The following RUVBL1 variants were observed in gnomAD, a reference collection of about 807,000 sequenced individuals.
The protein encoded by RUVBL1 is RuvB like AAA ATPase 1.
RUVBL1 carries 4 observed loss-of-function variants against 52.4 expected under a neutral mutation model. That is an observed-to-expected ratio of 0.08 (90% CI 0.04 to 0.17). The LOEUF is 0.17. Among genes scored for constraint, RUVBL1 ranks in the 10% least tolerant of loss-of-function variants. RUVBL1 has a pLI of 1.00. For synonymous variants in RUVBL1, 217 were observed against 214.4 expected (o/e 1.01, Z -0.10); for missense variants, 298 against 572.8 (o/e 0.52, Z 4.90).
At position 128,086,866 on chromosome 3, in the gene RUVBL1, C is replaced by A. The variant is rs151043676; in HGVS notation, c.1119+840G>T. Among the ~76,000 whole-genome samples, 347 of 152,370 alleles carry A rather than the reference C, an allele frequency of 2.3e-3. 3 individuals are homozygous for A. The highest frequency in any genetic ancestry group is 7.9e-3 in the African/African-American group (329 of 41,588). ...TGTGGCCCTTTGGATAAAGCCCACG[C>A]TCATACATCCCTGTCGTCTCCCAAC... On this transcript the variant is annotated intron_variant, in intron 9 of 10. Coordinates refer to ENST00000322623, the MANE Select transcript of RUVBL1 (RefSeq NM_003707.3).
At chr3:128,114,836 C>A (rs1943480770) in intron 2 of RUVBL1, among the ~76,000 whole-genome samples, 1 of 99,462 alleles carries the variant, frequency 1.0e-5, no homozygotes, top group Non-Finnish European at 2.0e-5. Context: ...CAGGACCACC[C>A]CTTCCCAGTT....
chr3:128,067,355 A>G lies in RUVBL1; in HGVS notation c.940-2135T>C. 2 of 1,519,158 alleles carry G rather than the reference A, an allele frequency of 1.3e-6. No individual in the cohort carries two copies. Among genetic ancestry groups the G allele is most frequent in the Admixed American group, 3.8e-5 (2 of 52,178 alleles). 94.1% of individuals were successfully genotyped at this position (1,519,158 alleles called of 1,614,324 possible). On this transcript the variant is annotated intron_variant, in intron 9 of 9. Coordinates refer to the RUVBL1 transcript ENST00000464873. The surrounding 1 kb of genome is among the most constrained non-coding windows in gnomAD (Gnocchi z 4.1). ...TGCATTCTTTCATCTGCTCAGAACT[A>G]TTTTTGCCTTGATGCTAAAGTAAAA...
intron 1 of RUVBL1, among the ~76,000 whole-genome samples, chr3:128,140,831 C>T (rs796322344): frequency 4.6e-5 from 7 of 152,114 alleles, no homozygotes; most frequent in African/African-American, 1.7e-4. Flanking sequence ...ATTTAGTTTT[C>T]CAGATTAAAA....
At chr3:128,089,377 G>A (rs868121725) in intron 8 of RUVBL1, among the ~76,000 whole-genome samples, 48 of 152,306 alleles carry the variant, frequency 3.2e-4, no homozygotes, top group Middle Eastern at 3.4e-3. Flanking sequence ...GCCTCTGGGG[G>A]TCCTAACAGC....
At position 128,082,240 on chromosome 3, in the gene RUVBL1, C is replaced by G; in HGVS notation, c.1211+243G>C. 2 of 492,806 alleles carry G rather than the reference C, an allele frequency of 4.1e-6. No homozygotes were observed. Among genetic ancestry groups the G allele is most frequent in the South Asian group, 4.3e-5 (2 of 46,030 alleles). The allele number at this position is 492,806 out of a possible 1,614,324, so 30.5% of individuals were successfully genotyped here. ...AGAAGGCCCAGGGTCAAAGCACTCT[C>G]CACCAGAGGGGAGCATCTGCTGCAG... On this transcript the variant is annotated intron_variant, in intron 10 of 10. Coordinates refer to ENST00000322623, the MANE Select transcript of RUVBL1 (RefSeq NM_003707.3). This position sits in a 1 kb window ranked among gnomAD's most constrained non-coding sequence, Gnocchi z 4.7.
intron 9 of RUVBL1, chr3:128,069,871 A>G: frequency 1.8e-6 from 1 of 565,490 alleles, no homozygotes; most frequent in Non-Finnish European, 3.1e-6. Flanking sequence ...TGTGAAAGTG[A>G]AATTTTATTC....
intron 3 of RUVBL1, among the ~76,000 whole-genome samples, chr3:128,108,856 T>C (rs975460886): frequency 6.6e-6 from 1 of 152,108 alleles, no homozygotes; most frequent in Non-Finnish European, 1.5e-5. Context: ...TCATTTCCAC[T>C]GCTATTCCAA....
At chr3:128,121,459 C>A (rs1318290415) in intron 1 of RUVBL1, among the ~76,000 whole-genome samples, 2 of 151,262 alleles carry the variant, frequency 1.3e-5, no homozygotes, top group Non-Finnish European at 3.0e-5. Flanking sequence ...GCCTGTAATC[C>A]CAGCACTTCG....
At chr3:128,075,390 GA>G (rs1187882398) in intron 9 of RUVBL1, 1 of 152,356 alleles carries the variant, frequency 6.6e-6, no homozygotes, top group Non-Finnish European at 1.5e-5. Context: ...TCCGGAAAGG[GA>G]ACAGGAGGCA....
intron 1 of RUVBL1, 93 bp downstream of exon 1, chr3:128,123,491 G>A: frequency 7.7e-7 from 1 of 1,297,974 alleles, no homozygotes; most frequent in Non-Finnish European, 1.0e-6. Flanking sequence ...GACCCCTGGC[G>A]CGCGCATCCC....
rs1222102565 is a variant in RUVBL1, at chr3:128,082,378, A to G, written c.1211+105T>C. 1.2e-6 allele frequency: 1 copy of G among 813,400 alleles called. No individual in the cohort carries two copies. Among genetic ancestry groups the G allele is most frequent in the Non-Finnish European group, 2.1e-6 (1 of 476,942 alleles). The allele number at this position is 813,400 out of a possible 1,614,324, so 50.4% of individuals were successfully genotyped here. A position where few individuals can be genotyped will look rare whatever the true frequency, so the allele number is the denominator to read the frequency against. On this transcript the variant is annotated intron_variant, in intron 10 of 10. Coordinates refer to ENST00000322623, the MANE Select transcript of RUVBL1 (RefSeq NM_003707.3). The surrounding 1 kb of genome is among the most constrained non-coding windows in gnomAD (Gnocchi z 4.7). ...CGCGCCAGGAAGAGCGGATGGATAG[A>G]GTCCCATGCCCTAGGAAGGGACCTG...
intron 2 of RUVBL1, among the ~76,000 whole-genome samples, chr3:128,114,546 C>T (rs761659272): frequency 2.6e-5 from 4 of 152,168 alleles, no homozygotes; most frequent in Non-Finnish European, 4.4e-5. Context: ...GTGGCAAACT[C>T]GTTGCTCACA....
chr3:128,136,392 G>T (rs1377304287), intron 1 of RUVBL1, among the ~76,000 whole-genome samples: 1 of 152,122 alleles, frequency 6.6e-6, no homozygotes, highest in East Asian at 1.9e-4. Flanking sequence ...AGCACTTTAG[G>T]AAGCCAATGT....
downstream of RUVBL1, among the ~76,000 whole-genome samples, chr3:128,076,908 C>G (rs1479870205): frequency 2.6e-5 from 4 of 152,160 alleles, no homozygotes; most frequent in African/African-American, 9.7e-5. The surrounding 1 kb of genome is among the most constrained non-coding windows in gnomAD (Gnocchi z 6.8). Flanking sequence ...CCCGCAGCTG[C>G]CGGCGTCCCC....
intron 3 of RUVBL1, among the ~76,000 whole-genome samples, chr3:128,111,449 C>T (rs1296343548): frequency 1.3e-5 from 2 of 152,108 alleles, no homozygotes; most frequent in Admixed American, 6.6e-5. Flanking sequence ...TTCCTCGACT[C>T]CTCTCTTTCT....
Position 128,100,685 on chromosome 3 carries a change from G to A in RUVBL1, c.663C>T (p.Val221=). ...TGTGCACATCCCCTTTTGGCAAGGG[G>A]ACATACTCTTCAGCTTCAAGGTCGA... is the stretch of plus-strand genomic sequence containing the variant. The part of the protein sequence containing the change: ...TEFDLEAEEY[V]PLPKGDVHKK... The change falls in exon 6 of 11, where the codon GTC becomes GTT. Residue 221 remains valine (V), a synonymous_variant. Transcript: ENST00000322623. 6.2e-7 allele frequency: 1 copy of A among 1,613,944 alleles called. No individual in the cohort carries two copies. Among genetic ancestry groups the A allele is most frequent in the Non-Finnish European group, 8.5e-7 (1 of 1,179,960 alleles).
chr3:128,119,417 A>T lies in RUVBL1; in HGVS notation c.142-3T>A. 6.2e-7 allele frequency: 1 copy of T among 1,607,758 alleles called. No homozygotes were observed. Among genetic ancestry groups the T allele is most frequent in the Non-Finnish European group, 8.5e-7 (1 of 1,175,568 alleles). Reference sequence around the variant, plus strand: ...AATTCTACTATGACGCCACATGCCTACACACCACAATGGAAAGAAATAATA... The same window carrying T: ...AATTCTACTATGACGCCACATGCCTTCACACCACAATGGAAAGAAATAATA... On this transcript the variant is annotated splice_polypyrimidine_tract_variant and splice_region_variant and intron_variant, in intron 1 of 10. Coordinates refer to ENST00000322623, the MANE Select transcript of RUVBL1 (RefSeq NM_003707.3).
rs1324121659 is a variant in RUVBL1, at chr3:128,081,199, C to T, written c.*51G>A. 1 of 1,581,238 alleles carries T rather than the reference C, an allele frequency of 6.3e-7. No homozygotes were observed. Among genetic ancestry groups the T allele is most frequent in the Admixed American group, 1.7e-5 (1 of 58,998 alleles). ...AGGGGCAAGCGCCCACAGGCTGGAC[C>T]CAGGCCAGGCACACCTGGGGAGTCT... is the stretch of plus-strand genomic sequence containing the variant. On this transcript the variant is annotated 3_prime_UTR_variant, in exon 11 of 11. Coordinates refer to ENST00000322623, the MANE Select transcript of RUVBL1 (RefSeq NM_003707.3). The surrounding 1 kb of genome is among the most constrained non-coding windows in gnomAD (Gnocchi z 4.8).
intron 1 of RUVBL1, among the ~76,000 whole-genome samples, chr3:128,136,827 A>G (rs1365132559): frequency 2.0e-5 from 3 of 152,202 alleles, no homozygotes; most frequent in Non-Finnish European, 4.4e-5. Context: ...ATCATTATAT[A>G]ATGATAAAGG....
Sources: gnomAD v4.1 joint callset for allele counts (sites outside exome capture counted in the v4.1 genomes callset) on GRCh38, gnomAD v4.1.1 for gene constraint, Gnocchi (gnomAD v3.1) non-coding constraint, MANE v1.5 for transcripts, NCBI Gene and HGNC (gene_info 2026-07-23, HGNC 2026-07-21) for gene names.